Variants in PPFIA2 observed in about 807,000 individuals in gnomAD.
The protein encoded by PPFIA2 is PPFI scaffold protein A2.
In PPFIA2, 46 loss-of-function variants were observed where a neutral mutation model predicts 175.5. The ratio of observed to expected loss-of-function variants is 0.26; its 90% CI spans 0.21 to 0.34. The LOEUF is 0.34. Among genes scored for constraint, PPFIA2 ranks in the 10% least tolerant of loss-of-function variants. PPFIA2 has a pLI of 1.00. For missense variants in PPFIA2, 1,179 were observed against 1,506.1 expected (o/e 0.78, Z 3.60); for synonymous variants, 568 against 511.4 (o/e 1.11, Z -1.49).
intron 13 of PPFIA2, among the ~76,000 whole-genome samples, chr12:81,367,606 CT>C (rs1566486700): frequency 6.6e-6 from 1 of 151,486 alleles, no homozygotes; most frequent in African/African-American, 2.4e-5. Context: ...TAAAATTTCA[CT>C]TTCTGGACAT....
At chr12:81,369,836 C>A (rs1360710225) in intron 11 of PPFIA2, among the ~76,000 whole-genome samples, 1 of 151,664 alleles carries the variant, frequency 6.6e-6, no homozygotes, top group Non-Finnish European at 1.5e-5. Context: ...CTTTAATAGA[C>A]AGAATTTTAT....
At chr12:81,559,928 GA>G (rs1213210069) in intron 4 of PPFIA2, among the ~76,000 whole-genome samples, 4 of 151,856 alleles carry the variant, frequency 2.6e-5, no homozygotes, top group Non-Finnish European at 5.9e-5. Context: ...GGCCAAAATA[GA>G]AAGTTCAAAT....
chr12:81,725,846 C>T (rs2080007998), intron 3 of PPFIA2, among the ~76,000 whole-genome samples: 1 of 150,604 alleles, frequency 6.6e-6, no homozygotes, highest in Non-Finnish European at 1.5e-5. Flanking sequence ...CCATAAAAAC[C>T]TTAAGAGGAC....
intron 7 of PPFIA2, among the ~76,000 whole-genome samples, chr12:81,422,714 A>C (rs73356659): frequency 0.033 from 4,964 of 152,012 alleles, 254 homozygotes; most frequent in African/African-American, 0.11. Context: ...CCATGATAAA[A>C]TTACCTCCCA....
In PPFIA2 at chr12:81,525,198, T is replaced by C. The variant is rs1567186817; in HGVS notation, c.304-67332A>G. ...TGGCTCCTGTGATGGATAGATCCTATGGACAAGGTCAAGACACTGGTATTT... is the reference window on the plus strand; with the variant it reads ...TGGCTCCTGTGATGGATAGATCCTACGGACAAGGTCAAGACACTGGTATTT... On this transcript the variant is annotated intron_variant, in intron 4 of 32. Coordinates refer to ENST00000549396, the MANE Select transcript of PPFIA2 (RefSeq NM_003625.5). Among the ~76,000 whole-genome samples, 7 of 152,328 alleles carry C rather than the reference T, an allele frequency of 4.6e-5. No individual in the cohort carries two copies. The East Asian group carries it at 5.8e-4, about 13-fold the overall frequency.
intron 3 of PPFIA2, among the ~76,000 whole-genome samples, chr12:81,723,769 C>T (rs2079661892): frequency 6.6e-6 from 1 of 150,890 alleles, no homozygotes; most frequent in African/African-American, 2.4e-5. Context: ...AAAGCAAGCT[C>T]ACTGAGAAAA....
chr12:81,740,168 C>T (rs1422651177), intron 3 of PPFIA2, among the ~76,000 whole-genome samples: 1 of 152,080 alleles, frequency 6.6e-6, no homozygotes, highest in African/African-American at 2.4e-5. Flanking sequence ...CAGAATCTTA[C>T]TCAATAAATT....
intron 24 of PPFIA2, among the ~76,000 whole-genome samples, chr12:81,294,280 CT>C (rs1262335473): frequency 6.6e-6 from 1 of 151,910 alleles, no homozygotes; most frequent in African/African-American, 2.4e-5. Context: ...CATGTACCCC[CT>C]GAATCTATAA....
intron 3 of PPFIA2, among the ~76,000 whole-genome samples, chr12:81,711,033 C>T (rs1368058709): frequency 6.6e-6 from 1 of 151,116 alleles, no homozygotes; most frequent in East Asian, 2.0e-4. Context: ...GAGTTCAAGA[C>T]CAGCTTGGAA....
intron 4 of PPFIA2, among the ~76,000 whole-genome samples, chr12:81,638,846 C>G (rs1788162331): frequency 6.7e-6 from 1 of 150,364 alleles, no homozygotes; most frequent in Non-Finnish European, 1.5e-5. Flanking sequence ...CGCCACTACG[C>G]CCGGCTAATT....
At chr12:81,715,466 A>C (rs1448633892) in intron 3 of PPFIA2, among the ~76,000 whole-genome samples, 1 of 151,762 alleles carries the variant, frequency 6.6e-6, no homozygotes, top group African/African-American at 2.4e-5. Context: ...AGATGATATC[A>C]GATTAAGCCT....
chr12:81,473,261 A>G (rs2057010488), intron 4 of PPFIA2, among the ~76,000 whole-genome samples: 1 of 152,058 alleles, frequency 6.6e-6, no homozygotes, highest in African/African-American at 2.4e-5. Flanking sequence ...TACAAAAATT[A>G]GCTGGGCATG....
At chr12:81,296,474 G>A (rs551091705) in intron 23 of PPFIA2, among the ~76,000 whole-genome samples, 36 of 152,290 alleles carry the variant, frequency 2.4e-4, no homozygotes, top group Non-Finnish European at 5.1e-4. Flanking sequence ...TTCAGCACCT[G>A]AATAACATCA....
intron 4 of PPFIA2, among the ~76,000 whole-genome samples, chr12:81,620,263 A>C (rs942218765): frequency 6.6e-6 from 1 of 152,030 alleles, no homozygotes; most frequent in Non-Finnish European, 1.5e-5. Context: ...CTTATTGAAA[A>C]ACAATAAAAA....
intron 22 of PPFIA2, among the ~76,000 whole-genome samples, chr12:81,309,847 G>C (rs2050296506): frequency 6.6e-6 from 1 of 151,784 alleles, no homozygotes; most frequent in Admixed American, 6.6e-5. Flanking sequence ...CCATTAAAAA[G>C]GTATAAATAC....
At chr12:81,335,311 T>G (rs2056921520) in intron 21 of PPFIA2, among the ~76,000 whole-genome samples, 1 of 152,310 alleles carries the variant, frequency 6.6e-6, no homozygotes, top group East Asian at 1.9e-4. Flanking sequence ...CATTGTGCTG[T>G]CAAGTCTTAA....
intron 7 of PPFIA2, among the ~76,000 whole-genome samples, chr12:81,413,720 T>C (rs2044418404): frequency 6.6e-6 from 1 of 151,852 alleles, no homozygotes; most frequent in South Asian, 2.1e-4. Flanking sequence ...AAGCACATTG[T>C]GTATTTGCTT....
chr12:81,311,774 G>A (rs751945171), intron 22 of PPFIA2, among the ~76,000 whole-genome samples: 22 of 150,682 alleles, frequency 1.5e-4, no homozygotes, highest in Non-Finnish European at 2.8e-4. Flanking sequence ...AGAAAGAAAG[G>A]TGGAGGCAAT....
At position 81,466,232 on chromosome 12, in the gene PPFIA2, A is replaced by G. The variant is rs529457126; in HGVS notation, c.304-8366T>C. ...ATATTTTGTGCCCCCTTGAATTTTT[A>G]TGTATCTATATTCTAATTAGAAAGC... On this transcript the variant is annotated intron_variant, in intron 4 of 32. Transcript: ENST00000549396. Among the ~76,000 whole-genome samples, 118 of 152,248 alleles carry G rather than the reference A, an allele frequency of 7.8e-4. 1 individual carries two copies. Among genetic ancestry groups the G allele is most frequent in the Non-Finnish European group, 8.5e-4 (58 of 67,998 alleles).
Sources: allele counts gnomAD v4.1 joint callset (sites outside exome capture counted in the v4.1 genomes callset), GRCh38; gene constraint gnomAD v4.1.1; transcripts MANE v1.5; gene names NCBI Gene and HGNC (gene_info 2026-07-23, HGNC 2026-07-21).